The following PDE11A variants were observed in gnomAD, a reference collection of about 807,000 sequenced individuals.
The protein encoded by PDE11A is phosphodiesterase 11A.
Under a neutral mutation model 100.5 loss-of-function variants are expected in PDE11A, and 100 were observed. The ratio of observed to expected loss-of-function variants is 1.00; its 90% confidence interval spans 0.85 to 1.18. The LOEUF is 1.18. PDE11A is among the 50% of genes most tolerant of loss of function. The pLI, the probability that PDE11A is intolerant of heterozygous loss-of-function variation, is 0.00. For missense variants in PDE11A, 1,141 were observed against 1,152.6 expected, an observed-to-expected ratio of 0.99 and a Z score of 0.15; for synonymous variants, 381 against 420.8, an observed-to-expected ratio of 0.91 and a Z score of 1.16.
At chr2:177,999,784 G>T (rs1163994530) in intron 2 of PDE11A, among the ~76,000 whole-genome samples, 1 of 152,194 alleles carries the variant, frequency 6.6e-6, no homozygotes, top group African/African-American at 2.4e-5. Flanking sequence ...ATTCTCTCCA[G>T]TGAGAGAGTT....
At chr2:177,671,975 T>C (rs528001147) in intron 17 of PDE11A, among the ~76,000 whole-genome samples, 2 of 152,132 alleles carry the variant, frequency 1.3e-5, no homozygotes, top group South Asian at 2.1e-4. Flanking sequence ...CCCTTTCTGC[T>C]CTTCTCTAGT....
At chr2:177,674,641 C>T (rs889879283) in intron 17 of PDE11A, among the ~76,000 whole-genome samples, 5 of 152,308 alleles carry the variant, frequency 3.3e-5, no homozygotes, top group East Asian at 1.9e-4. Context: ...GTAATGTTTA[C>T]AGGTTCCAGA....
intron 17 of PDE11A, among the ~76,000 whole-genome samples, chr2:177,673,029 T>G (rs1363776612): frequency 1.3e-5 from 2 of 152,218 alleles, no homozygotes; most frequent in Non-Finnish European, 2.9e-5. Flanking sequence ...CACTAGGAAT[T>G]AAGTCAGAAG....
rs1326867287 is a variant in PDE11A, at chr2:177,631,553, GTATATA to G, written c.2647-1997_2647-1992del. Among the ~76,000 whole-genome samples, 85 of 19,690 alleles carry G rather than the reference GTATATA, an allele frequency of 4.3e-3. 2 individuals are homozygous for G. The highest frequency in any genetic ancestry group is 0.012 in the African/African-American group (83 of 6,984). 12.9% of individuals were successfully genotyped at this position (19,690 alleles called of 152,430 possible). On this transcript the variant is annotated intron_variant, in intron 19 of 19. Coordinates refer to ENST00000286063, the MANE Select transcript of PDE11A (RefSeq NM_016953.4). The stretch of plus-strand genomic sequence containing the variant: ...TATATATATATATATATATACACAT[GTATATA>G]TATATATATACATGTATATATATAT...
intron 10 of PDE11A, among the ~76,000 whole-genome samples, chr2:177,745,751 G>A (rs1191224016): frequency 1.3e-5 from 2 of 152,222 alleles, no homozygotes; most frequent in Non-Finnish European, 2.9e-5. Context: ...GACAGCAACA[G>A]CATATGTGAG....
At chr2:177,754,484 G>C (rs191721465) in intron 10 of PDE11A, among the ~76,000 whole-genome samples, 1 of 152,202 alleles carries the variant, frequency 6.6e-6, no homozygotes, top group Non-Finnish European at 1.5e-5. Context: ...TAGAATTTGT[G>C]TTCATACATT....
intron 2 of PDE11A, among the ~76,000 whole-genome samples, chr2:177,959,961 C>T (rs2085611406): frequency 6.6e-6 from 1 of 152,034 alleles, no homozygotes; most frequent in Non-Finnish European, 1.5e-5. Flanking sequence ...AATTCATACT[C>T]TTTTTTTCCT....
At chr2:177,742,972 A>G (rs2105467126) in intron 10 of PDE11A, among the ~76,000 whole-genome samples, 1 of 152,384 alleles carries the variant, frequency 6.6e-6, no homozygotes, top group South Asian at 2.1e-4. Context: ...GAAATGATCA[A>G]GCAGCTAAAT....
chr2:177,803,754 C>T (rs563677331), intron 9 of PDE11A, among the ~76,000 whole-genome samples: 1 of 151,882 alleles, frequency 6.6e-6, no homozygotes, highest in Non-Finnish European at 1.5e-5. Context: ...ATTCAGCATC[C>T]CTTCATGATA....
chr2:177,778,721 C>G (rs915079687), intron 9 of PDE11A, among the ~76,000 whole-genome samples: 1 of 152,170 alleles, frequency 6.6e-6, no homozygotes, highest in African/African-American at 2.4e-5. Context: ...ATATGAAGAA[C>G]CATACTCCAG....
chr2:177,829,607 C>T (rs1490952292), intron 6 of PDE11A, among the ~76,000 whole-genome samples: 1 of 112,496 alleles, frequency 8.9e-6, no homozygotes, highest in East Asian at 2.3e-4. Flanking sequence ...CCACTCCTGG[C>T]TAATTTTTTT....
chr2:177,885,241 T>C (rs981407145), intron 4 of PDE11A, among the ~76,000 whole-genome samples: 1 of 151,236 alleles, frequency 6.6e-6, no homozygotes, highest in African/African-American at 2.4e-5. Context: ...GTACTATATA[T>C]GCACATTTTT....
At chr2:178,022,479 C>T (rs533025264) in intron 1 of PDE11A, among the ~76,000 whole-genome samples, 35 of 16,576 alleles carry the variant, frequency 2.1e-3, no homozygotes, top group South Asian at 0.018. Flanking sequence ...CAGACATAGA[C>T]GATTTTTTTT....
chr2:177,636,641 A>G (rs1470378755), intron 19 of PDE11A, among the ~76,000 whole-genome samples: 1 of 152,224 alleles, frequency 6.6e-6, no homozygotes. Context: ...ACTCGTGGTC[A>G]TTCACTTGGT....
chr2:177,837,718 T>C (rs2083428013), intron 6 of PDE11A, among the ~76,000 whole-genome samples: 1 of 152,228 alleles, frequency 6.6e-6, no homozygotes, highest in Admixed American at 6.5e-5. Context: ...TTGTAAAAAC[T>C]GCTTACCTCC....
At chr2:177,697,572 T>G (rs1397709784) in intron 14 of PDE11A, 140 bp from the exon 15 acceptor site, 2 of 626,158 alleles carry the variant, frequency 3.2e-6, no homozygotes, top group African/African-American at 3.7e-5. Flanking sequence ...TGTATAAATA[T>G]AAACAGATTC....
At chr2:177,820,137 C>T in intron 7 of PDE11A, 83 bp downstream of exon 7, 1 of 764,818 alleles carries the variant, frequency 1.3e-6, no homozygotes, top group East Asian at 2.5e-5. Flanking sequence ...AAAGAGGGAA[C>T]ACATAAAAAA....
At chr2:178,092,226 A>G (rs1169562089) in intron 2 of PDE11A, among the ~76,000 whole-genome samples, 1 of 152,220 alleles carries the variant, frequency 6.6e-6, no homozygotes, top group Non-Finnish European at 1.5e-5. Flanking sequence ...AGACTTACAA[A>G]CTATTTTGTG....
At chr2:177,689,071 T>G (rs1323467508) in intron 15 of PDE11A, among the ~76,000 whole-genome samples, 2 of 152,276 alleles carry the variant, frequency 1.3e-5, no homozygotes, top group East Asian at 3.9e-4. Context: ...GTAACTCTCC[T>G]CAATTTCTTT....
Sources: allele counts gnomAD v4.1 joint callset (sites outside exome capture counted in the v4.1 genomes callset), GRCh38; gene constraint gnomAD v4.1.1; transcripts MANE v1.5; gene names NCBI Gene and HGNC (gene_info 2026-07-23, HGNC 2026-07-21).